The following MEGF11 variants were observed in gnomAD, a reference collection of about 807,000 sequenced individuals.
MEGF11 encodes the protein multiple epidermal growth factor-like domains protein 11.
In MEGF11, 126 loss-of-function variants were observed where a neutral mutation model predicts 146.6. The ratio of observed to expected loss-of-function variants is 0.86; its 90% CI spans 0.74 to 1.00. The LOEUF (loss-of-function observed/expected upper bound fraction) is 1.00, where lower values mean the gene tolerates loss of function less well. Among genes scored for constraint, MEGF11 ranks in the 50% least tolerant of loss-of-function variants. The pLI, the probability that MEGF11 is intolerant of heterozygous loss-of-function variation, is 0.00. For synonymous variants in MEGF11, 532 were observed against 583.4 expected (o/e 0.91, Z 1.27); for missense variants, 1,509 against 1,521.2 (o/e 0.99, Z 0.13).
intron 1 of MEGF11, among the ~76,000 whole-genome samples, chr15:66,212,866 C>T (rs959484200): frequency 6.6e-6 from 1 of 152,350 alleles, no homozygotes; most frequent in East Asian, 1.9e-4. Flanking sequence ...CCTTAAACCA[C>T]GGAACACAGA....
At chr15:66,059,520 C>T (rs1173123189) in intron 5 of MEGF11, among the ~76,000 whole-genome samples, 1 of 152,152 alleles carries the variant, frequency 6.6e-6, no homozygotes, top group African/African-American at 2.4e-5. Flanking sequence ...ATGAGCAACA[C>T]CTGCAGCCCT....
chr15:66,124,011 G>C lies in MEGF11; in HGVS notation c.99-11C>G, dbSNP rs2088197405. 6.2e-7 allele frequency: 1 copy of C among 1,604,358 alleles called. No individual in the cohort carries two copies. Among genetic ancestry groups the C allele is most frequent in the Non-Finnish European group, 8.5e-7 (1 of 1,171,174 alleles). The stretch of plus-strand genomic sequence containing the variant: ...ACAGTCACAGCATAGCTGAGAACCA[G>C]ATGGGAGATAGGAGCCATGATTAGC... On this transcript the variant is annotated splice_polypyrimidine_tract_variant and intron_variant, in intron 2 of 25. Transcript: ENST00000395614.
At chr15:65,899,787 A>G (rs2078448376) in intron 24 of MEGF11, among the ~76,000 whole-genome samples, 1 of 152,152 alleles carries the variant, frequency 6.6e-6, no homozygotes, top group African/African-American at 2.4e-5. Context: ...ACTGAAACCT[A>G]TTTCAGCAGT....
At chr15:66,117,705 C>G (rs1052480423) in intron 4 of MEGF11, among the ~76,000 whole-genome samples, 1 of 152,114 alleles carries the variant, frequency 6.6e-6, no homozygotes, top group African/African-American at 2.4e-5. Context: ...ACAGACAGAG[C>G]AGCAGCAGGA....
At chr15:66,239,144 G>A (rs1315954945) in intron 1 of MEGF11, among the ~76,000 whole-genome samples, 3 of 152,048 alleles carry the variant, frequency 2.0e-5, no homozygotes, top group African/African-American at 4.8e-5. Flanking sequence ...CACCTTACTC[G>A]GGAAGGACAT....
chr15:66,127,465 G>A (rs1422981688), intron 2 of MEGF11, among the ~76,000 whole-genome samples: 2 of 152,156 alleles, frequency 1.3e-5, no homozygotes, highest in African/African-American at 2.4e-5. Context: ...CCACCCTCAT[G>A]GGCATGAAGC....
intron 1 of MEGF11, among the ~76,000 whole-genome samples, chr15:66,168,531 G>C (rs2090160597): frequency 6.6e-6 from 1 of 152,212 alleles, no homozygotes; most frequent in Non-Finnish European, 1.5e-5. Context: ...GTGACTTACA[G>C]ATGGGGCAGA....
chr15:66,207,811 G>C (rs982141038), intron 1 of MEGF11, among the ~76,000 whole-genome samples: 3 of 152,204 alleles, frequency 2.0e-5, no homozygotes, highest in Non-Finnish European at 4.4e-5. Context: ...GGCCGGGAAT[G>C]GTGGCTCACG....
intron 5 of MEGF11, among the ~76,000 whole-genome samples, chr15:66,053,929 A>G (rs1361391282): frequency 6.6e-6 from 1 of 151,746 alleles, no homozygotes; most frequent in Non-Finnish European, 1.5e-5. Context: ...CATGTTGCCC[A>G]GGCTGTTGGT....
At chr15:66,088,795 A>T (rs1168094843) in intron 5 of MEGF11, among the ~76,000 whole-genome samples, 1 of 152,200 alleles carries the variant, frequency 6.6e-6, no homozygotes, top group Non-Finnish European at 1.5e-5. Context: ...AGTCAAATTC[A>T]TAGAGACAGA....
At chr15:66,041,748 C>T (rs1251963520) in intron 5 of MEGF11, among the ~76,000 whole-genome samples, 1 of 152,164 alleles carries the variant, frequency 6.6e-6, no homozygotes, top group Non-Finnish European at 1.5e-5. Context: ...TTGCCAATCC[C>T]TGTATTAACT....
At chr15:66,235,337 A>G (rs1055911316) in intron 1 of MEGF11, among the ~76,000 whole-genome samples, 3 of 152,042 alleles carry the variant, frequency 2.0e-5, no homozygotes, top group African/African-American at 7.2e-5. Context: ...CCTCATCTCT[A>G]TAAAAAATTT....
chr15:66,140,641 G>T (rs532363916), intron 1 of MEGF11, among the ~76,000 whole-genome samples: 1 of 152,234 alleles, frequency 6.6e-6, no homozygotes, highest in Admixed American at 6.5e-5. Context: ...TAGGAAGAAC[G>T]GGAGGCAAGC....
intron 5 of MEGF11, among the ~76,000 whole-genome samples, chr15:66,058,518 C>T (rs551556419): frequency 3.2e-4 from 48 of 152,256 alleles, no homozygotes; most frequent in Admixed American, 2.1e-3. Context: ...GGCTGGGCCC[C>T]GGAGCACCCC....
At chr15:65,932,654 G>T (rs1460656554) in intron 10 of MEGF11, among the ~76,000 whole-genome samples, 3 of 152,018 alleles carry the variant, frequency 2.0e-5, no homozygotes, top group Non-Finnish European at 4.4e-5. Flanking sequence ...TAAAAGTGGG[G>T]CTGGGAGTCT....
At chr15:65,993,780 A>G (rs559107376) in intron 5 of MEGF11, among the ~76,000 whole-genome samples, 3 of 152,174 alleles carry the variant, frequency 2.0e-5, no homozygotes, top group Non-Finnish European at 4.4e-5. Context: ...GTCCAAGCCC[A>G]TTTCCTCTGA....
intron 7 of MEGF11, among the ~76,000 whole-genome samples, chr15:65,978,552 A>G (rs405857): frequency 0.8 from 121,107 of 152,150 alleles, 49,615 homozygotes; most frequent in Non-Finnish European, 0.91. Flanking sequence ...CCCCTGTTCA[A>G]CCACCCGAGC....
intron 5 of MEGF11, among the ~76,000 whole-genome samples, chr15:66,047,897 C>T (rs1472665446): frequency 1.3e-5 from 2 of 150,556 alleles, no homozygotes; most frequent in Non-Finnish European, 3.0e-5. Context: ...CACTGGGCCT[C>T]GGGTGGAGGG....
intron 5 of MEGF11, among the ~76,000 whole-genome samples, chr15:66,090,579 A>T (rs1191552373): frequency 6.6e-6 from 1 of 152,246 alleles, no homozygotes; most frequent in Non-Finnish European, 1.5e-5. Flanking sequence ...CATATGTCAC[A>T]CACAACATAC....
Sources: gnomAD v4.1 joint callset for allele counts (sites outside exome capture counted in the v4.1 genomes callset) on GRCh38, gnomAD v4.1.1 for gene constraint, MANE v1.5 for transcripts, NCBI Gene and HGNC (gene_info 2026-07-23, HGNC 2026-07-21) for gene names.